The following IL17RD variants were observed in gnomAD, a reference collection of about 807,000 sequenced individuals.
IL17RD encodes interleukin-17 receptor D.
A neutral mutation model predicts 80.5 loss-of-function variants in IL17RD; 52 were observed. The ratio of observed to expected loss-of-function variants is 0.65; its 90% CI spans 0.52 to 0.81. IL17RD has a LOEUF of 0.81. Among genes scored for constraint, IL17RD ranks in the 40% least tolerant of loss-of-function variants. The probability of loss-of-function intolerance (pLI) is 0.00; values close to 1 mark genes in which losing one functional copy is unlikely to be tolerated. For missense variants in IL17RD, 1,024 were observed against 955.1 expected (o/e 1.07, Z -0.95); for synonymous variants, 416 against 391.8 (o/e 1.06, Z -0.73).
chr3:57,151,531 T>A (rs1348393801), intron 1 of IL17RD, among the ~76,000 whole-genome samples: 1 of 152,170 alleles, frequency 6.6e-6, no homozygotes, highest in Non-Finnish European at 1.5e-5. Flanking sequence ...ACCAGCAGCT[T>A]CTGTTAAACA....
chr3:57,100,703 TC>T (rs569941547), intron 11 of IL17RD, among the ~76,000 whole-genome samples: 228 of 152,238 alleles, frequency 1.5e-3, no homozygotes, highest in Non-Finnish European at 1.9e-3. Context: ...GACCTCAAGA[TC>T]CCCTCTAATG....
At chr3:57,155,716 G>C (rs960043403) in intron 1 of IL17RD, among the ~76,000 whole-genome samples, 1 of 152,142 alleles carries the variant, frequency 6.6e-6, no homozygotes, top group African/African-American at 2.4e-5. Flanking sequence ...TCAGTCTCCT[G>C]AGTAGCTAGG....
chr3:57,157,232 A>T (rs904238969), intron 1 of IL17RD, among the ~76,000 whole-genome samples: 1 of 152,190 alleles, frequency 6.6e-6, no homozygotes, highest in Non-Finnish European at 1.5e-5. Context: ...TTGAATGTCA[A>T]CAAACTGCTT....
intron 1 of IL17RD, among the ~76,000 whole-genome samples, chr3:57,125,200 A>AGT (rs967791261): frequency 6.6e-6 from 1 of 152,176 alleles, no homozygotes; most frequent in African/African-American, 2.4e-5. Context: ...CGAGGTCAGG[A>AGT]GTTTGAGAGT....
intron 1 of IL17RD, among the ~76,000 whole-genome samples, chr3:57,150,768 T>C (rs1436114303): frequency 6.6e-6 from 1 of 152,212 alleles, no homozygotes; most frequent in African/African-American, 2.4e-5. Flanking sequence ...CCTAAATTCA[T>C]GATCCCAAGG....
intron 1 of IL17RD, among the ~76,000 whole-genome samples, chr3:57,157,964 G>C (rs1201642308): frequency 6.6e-6 from 1 of 152,034 alleles, no homozygotes; most frequent in Non-Finnish European, 1.5e-5. Flanking sequence ...AGAACACTTG[G>C]AAAAACTCCT....
intron 12 of IL17RD, 34 bp downstream of exon 12, chr3:57,097,562 G>C: frequency 6.7e-7 from 1 of 1,490,898 alleles, no homozygotes; most frequent in East Asian, 2.5e-5. Context: ...CAAAGGCTGC[G>C]GCCTGTTAGG....
Position 57,120,220 on chromosome 3 carries a change from G to C in IL17RD, c.184+36C>G, listed in dbSNP as rs1287554544. On this transcript the variant is annotated intron_variant, in intron 2 of 12. Coordinates refer to ENST00000296318, the MANE Select transcript of IL17RD (RefSeq NM_017563.5). ...CTATGTAATCTCTAGATGACTCAAA[G>C]GGCTCCATTCTTCAGCAATAAAGGC... The C allele has an allele frequency of 2.6e-6, 4 of 1,510,462 alleles. No individual in the cohort carries two copies. The African/African-American group carries it at 4.1e-5, about 16-fold the overall frequency. 93.6% of individuals were successfully genotyped at this position (1,510,462 alleles called of 1,614,324 possible). A position where few individuals can be genotyped will look rare whatever the true frequency, so the allele number is the denominator to read the frequency against.
In IL17RD at chr3:57,104,386, T is replaced by G. The variant is rs753210333; in HGVS notation, c.769A>C (p.Ser257Arg). The G allele has an allele frequency of 1.2e-6, 2 of 1,610,180 alleles. No homozygotes were observed. Among genetic ancestry groups the G allele is most frequent in the Admixed American group, 3.3e-5 (2 of 59,872 alleles). ...CKQEQTTETT[S>R]CLLQNVSPGD... is the part of the protein sequence containing the mutation. ...GGAGAAACATTTTGAAGGAGGCAGC[T>G]GGTCGTCTCTGTAGTTTGCTCCTGC... Residue 257 changes from serine (S) to arginine (R), a missense_variant, in exon 8 of 13, where the codon AGC becomes CGC. Transcript: ENST00000296318.
chr3:57,109,507 T>A lies in IL17RD; in HGVS notation c.550+30A>T, dbSNP rs547487879. Reference sequence around the variant, plus strand: ...TTAAAAGCGGAGAAAAGTCTTCTCATGGGAACCAGGCAGGAAAGGCCATAC... The same window carrying A: ...TTAAAAGCGGAGAAAAGTCTTCTCAAGGGAACCAGGCAGGAAAGGCCATAC... On this transcript the variant is annotated intron_variant, in intron 5 of 12. Transcript: ENST00000296318. 7.5e-6 allele frequency: 12 copies of A among 1,598,812 alleles called. No individual in the cohort carries two copies. In the Admixed American group the frequency reaches 1.4e-4, roughly 19 times the overall value.
chr3:57,157,232 ACAAACTGCTTTT>A (rs1455306237), intron 1 of IL17RD, among the ~76,000 whole-genome samples: 1 of 152,190 alleles, frequency 6.6e-6, no homozygotes, highest in Non-Finnish European at 1.5e-5. Context: ...TTGAATGTCA[ACAAACTGCTTTT>A]CACGGGGGCA....
rs758134304 is a variant in IL17RD, at chr3:57,109,674, A to G, written c.430-17T>C. On this transcript the variant is annotated splice_polypyrimidine_tract_variant and intron_variant, in intron 4 of 12. Coordinates refer to ENST00000296318, the MANE Select transcript of IL17RD (RefSeq NM_017563.5). ...TTCCATTCCCTAAAAGGGAACAAAA[A>G]CACAGTGACATCATGGAGAAATTAC... The G allele has an allele frequency of 6.8e-6, 11 of 1,609,678 alleles. No homozygotes were observed. In the Admixed American group the frequency reaches 8.4e-5, roughly 12 times the overall value.
rs1293581594 is a variant in IL17RD, at chr3:57,101,178, C to T, written c.1164+1G>A. 1 of 1,613,074 alleles carries T rather than the reference C, an allele frequency of 6.2e-7. No homozygotes were observed. Among genetic ancestry groups the T allele is most frequent in the East Asian group, 2.2e-5 (1 of 44,878 alleles). On this transcript the variant is annotated splice_donor_variant, in intron 11 of 12. Transcript: ENST00000296318. LOFTEE classifies it high-confidence loss of function. ...AGGAGAAGGAACTTTAGATTCCGCA[C>T]CTCACAGCCACAGAAGTCCTGGAGG...
intron 1 of IL17RD, among the ~76,000 whole-genome samples, chr3:57,156,104 AC>A (rs2060265280): frequency 6.6e-6 from 1 of 152,184 alleles, no homozygotes; most frequent in Admixed American, 6.5e-5. Context: ...TAAAGACCCC[AC>A]CCACATGGAG....
At chr3:57,104,885 G>A (rs1190466301) in intron 7 of IL17RD, among the ~76,000 whole-genome samples, 2 of 152,214 alleles carry the variant, frequency 1.3e-5, no homozygotes, top group African/African-American at 4.8e-5. Flanking sequence ...TTGCCACCAC[G>A]ACCAAAAACT....
At chr3:57,157,206 G>A (rs1323979415) in intron 1 of IL17RD, among the ~76,000 whole-genome samples, 2 of 152,176 alleles carry the variant, frequency 1.3e-5, no homozygotes, top group African/African-American at 2.4e-5. Context: ...GTGGCCTCAA[G>A]CAGGGCCTCA....
chr3:57,097,586 G>C lies in IL17RD; in HGVS notation c.2107+10C>G. ...CGGCCTGTTAGGACCCGGCCCCAAA[G>C]GCACCTTACCCAGGCCTGAAGAGGA... On this transcript the variant is annotated intron_variant, in intron 12 of 12. Coordinates refer to ENST00000296318, the MANE Select transcript of IL17RD (RefSeq NM_017563.5). 1 of 1,561,972 alleles carries C rather than the reference G, an allele frequency of 6.4e-7. No homozygotes were observed. Among genetic ancestry groups the C allele is most frequent in the Non-Finnish European group, 8.7e-7 (1 of 1,152,694 alleles).
intron 1 of IL17RD, among the ~76,000 whole-genome samples, chr3:57,127,292 A>G (rs1707494779): frequency 9.3e-6 from 1 of 107,610 alleles, no homozygotes; most frequent in Non-Finnish European, 1.7e-5. Context: ...ATAAATATAT[A>G]TAAATATATA....
At chr3:57,136,641 C>CCAAAAA (rs1707735224) in intron 1 of IL17RD, among the ~76,000 whole-genome samples, 2 of 48,112 alleles carry the variant, frequency 4.2e-5, no homozygotes, top group Non-Finnish European at 4.0e-5. Context: ...AACCCCCACT[C>CCAAAAA]AAAAAAAAAA....
Sources: gnomAD v4.1 joint callset for allele counts (sites outside exome capture counted in the v4.1 genomes callset) on GRCh38, gnomAD v4.1.1 for gene constraint, MANE v1.5 for transcripts, NCBI Gene and HGNC (gene_info 2026-07-23, HGNC 2026-07-21) for gene names.